SLC19A3: variants seen among roughly 807,000 people sequenced by gnomAD.
The protein encoded by SLC19A3 is thiamine transporter 2.
A neutral mutation model predicts 40.2 loss-of-function variants in SLC19A3; 31 were observed. The ratio of observed to expected loss-of-function variants is 0.77; its 90% CI spans 0.58 to 1.04. The LOEUF (loss-of-function observed/expected upper bound fraction) is 1.04. Ranked by LOEUF, SLC19A3 falls within the 50% of genes least tolerant of loss-of-function variation. The pLI is 0.00. For missense variants in SLC19A3, 592 were observed against 596.7 expected, an observed-to-expected ratio of 0.99 and a Z score of 0.08; for synonymous variants, 212 against 227.5, an observed-to-expected ratio of 0.93 and a Z score of 0.61.
At chr2:227,706,930 T>C (rs888029194) in intron 1 of SLC19A3, among the ~76,000 whole-genome samples, 1 of 152,200 alleles carries the variant, frequency 6.6e-6, no homozygotes, top group African/African-American at 2.4e-5. Flanking sequence ...CAACAGACCT[T>C]ACCTTGGTGG....
chr2:227,695,661 A>G (rs373238272), intron 4 of SLC19A3: 10 of 551,230 alleles, frequency 1.8e-5, no homozygotes, highest in East Asian at 1.3e-4. Flanking sequence ...CTTTTGGTCT[A>G]TAAACCTACA....
Position 227,702,808 on chromosome 2 carries a change from A to G in SLC19A3, c.-2-488T>C, listed in dbSNP as rs559236606. ...CAGGAAAATTCACTAATTCCTCCAC[A>G]TTTTAGCTCAAGCTTTGCCTTATTG... On this transcript the variant is annotated intron_variant, in intron 1 of 5. Transcript: ENST00000644224. The G allele has an allele frequency of 3.0e-5, 5 of 166,836 alleles. No homozygotes were observed. The South Asian group carries it at 4.8e-4, about 16-fold the overall frequency. The allele number at this position is 166,836 out of a possible 1,614,324, so 10.3% of individuals were successfully genotyped here.
chr2:227,699,122 A>G lies in SLC19A3; in HGVS notation c.593T>C (p.Phe198Ser), dbSNP rs766034963. 1.9e-6 allele frequency: 3 copies of G among 1,614,186 alleles called. No homozygotes were observed. Among genetic ancestry groups the G allele is most frequent in the East Asian group, 2.2e-5 (1 of 44,884 alleles). Residue 198 changes from phenylalanine to serine, a missense_variant, in exon 3 of 6, where the codon TTT (phenylalanine) becomes TCT (serine). Phe to Ser is a radical substitution (Grantham distance 155). Transcript: ENST00000644224. ...TTCTCTGCTGGGTTTTGCATGAAAA[A>G]ACATGCTTTTCTTGGGCATTGGTAG... ...LFLPMPKKSM[F>S]FHAKPSREIK...
At position 227,699,272 on chromosome 2, in the gene SLC19A3, A is replaced by G. The variant is rs1427504152; in HGVS notation, c.443T>C (p.Leu148Pro). Residue 148 changes from leucine (L) to proline (P), a missense_variant, in exon 3 of 6, where the codon CTG (leucine) becomes CCG (proline). Coordinates refer to ENST00000644224, the MANE Select transcript of SLC19A3 (RefSeq NM_025243.4). ...RVSGYCRSVT[L>P]AAYTAGSVLA... The stretch of plus-strand genomic sequence containing the variant: ...CACCGACCCTGCTGTGTAGGCGGCC[A>G]GCGTGACGCTCCTGCAGTAGCCGCT... 2 of 1,613,960 alleles carry G rather than the reference A, an allele frequency of 1.2e-6. No individual in the cohort carries two copies. Among genetic ancestry groups the G allele is most frequent in the East Asian group, 4.5e-5 (2 of 44,888 alleles).
intron 1 of SLC19A3, among the ~76,000 whole-genome samples, chr2:227,712,434 C>T (rs1321307570): frequency 1.3e-5 from 2 of 152,114 alleles, no homozygotes; most frequent in African/African-American, 4.8e-5. Flanking sequence ...TGGCCAAGAG[C>T]ACATGCAAAG....
intron 1 of SLC19A3, among the ~76,000 whole-genome samples, chr2:227,712,077 A>AAGG: frequency 6.9e-6 from 1 of 145,826 alleles, no homozygotes; most frequent in Non-Finnish European, 1.5e-5. Context: ...AAAAAAAAAA[A>AAGG]GCCACATCTG....
intron 1 of SLC19A3, among the ~76,000 whole-genome samples, chr2:227,712,609 A>G (rs1389943470): frequency 3.9e-5 from 6 of 152,224 alleles, no homozygotes; most frequent in African/African-American, 1.4e-4. Context: ...CCTTTGGAAA[A>G]TCATTTGGCA....
chr2:227,692,424 A>G (rs1212291600), intron 4 of SLC19A3, among the ~76,000 whole-genome samples: 1 of 152,274 alleles, frequency 6.6e-6, no homozygotes, highest in African/African-American at 2.4e-5. Flanking sequence ...AGTGTGATAA[A>G]TCACATCGAC....
chr2:227,688,454 A>G (rs1695103727), intron 4 of SLC19A3, 147 bp from the exon 5 acceptor site: 2 of 694,666 alleles, frequency 2.9e-6, no homozygotes, highest in South Asian at 3.5e-5. Context: ...ACTGTCTGGA[A>G]GAAAGTAAAG....
At chr2:227,705,705 C>G (rs1417274045) in intron 1 of SLC19A3, among the ~76,000 whole-genome samples, 1 of 151,920 alleles carries the variant, frequency 6.6e-6, no homozygotes, top group Non-Finnish European at 1.5e-5. Flanking sequence ...AACATGCCCT[C>G]GGGTCTGTCG....
rs187651830 is a variant in SLC19A3, at chr2:227,683,973, A to T, written c.*3424T>A. 0.073 allele frequency: 11,163 copies of T among 151,912 alleles called. 1,146 individuals are homozygous for T. The highest frequency in any genetic ancestry group is 0.24 in the African/African-American group (9,761 of 41,306). The allele number at this position is 151,912 out of a possible 1,614,324, so 9.4% of individuals were successfully genotyped here. ...GCCACCATGCCCAGCTAATTTTTGT[A>T]TTTTTTGTAGAGACAGGGTTTTGCC... On this transcript the variant is annotated 3_prime_UTR_variant, in exon 6 of 6. Transcript: ENST00000644224.
At chr2:227,694,369 TA>T (rs879400029) in intron 4 of SLC19A3, among the ~76,000 whole-genome samples, 2 of 151,888 alleles carry the variant, frequency 1.3e-5, no homozygotes, top group African/African-American at 2.4e-5. Flanking sequence ...TCTTCACATT[TA>T]AAAAAAAGCA....
chr2:227,691,733 T>C (rs1440479257), intron 4 of SLC19A3, among the ~76,000 whole-genome samples: 1 of 151,630 alleles, frequency 6.6e-6, no homozygotes, highest in Admixed American at 6.6e-5. Flanking sequence ...ATAATAAATA[T>C]CAGATCAGAA....
chr2:227,695,828 T>A, intron 4 of SLC19A3, 61 bp downstream of exon 4: 1 of 1,531,756 alleles, frequency 6.5e-7, no homozygotes, highest in East Asian at 2.2e-5. Context: ...TTAGAGAAAG[T>A]TTAGAAAGAC....
chr2:227,710,719 AG>A (rs1696108512), intron 1 of SLC19A3, among the ~76,000 whole-genome samples: 1 of 152,178 alleles, frequency 6.6e-6, no homozygotes, highest in African/African-American at 2.4e-5. Flanking sequence ...GTTATCAAAG[AG>A]GGTCATTATG....
chr2:227,715,951 C>CAAAAAA (rs34546970), intron 1 of SLC19A3, among the ~76,000 whole-genome samples: 3 of 87,142 alleles, frequency 3.4e-5, no homozygotes, highest in African/African-American at 1.4e-4. Flanking sequence ...GACTCCGTCT[C>CAAAAAA]AAAAAAAAAA....
chr2:227,696,909 T>C (rs1424936217), intron 3 of SLC19A3, among the ~76,000 whole-genome samples: 1 of 151,924 alleles, frequency 6.6e-6, no homozygotes, highest in Non-Finnish European at 1.5e-5. Flanking sequence ...CTACTAAAAA[T>C]ACAAAAATTA....
chr2:227,699,143 G>A lies in SLC19A3; in HGVS notation c.572C>T (p.Pro191Leu), dbSNP rs1695566341. The A allele has an allele frequency of 1.9e-6, 3 of 1,614,162 alleles. No homozygotes were observed. Among genetic ancestry groups the A allele is most frequent in the South Asian group, 1.1e-5 (1 of 91,074 alleles). ...SVAFLFSLFLPMPKKSMFFHA... is the reference protein window; with the variant it reads ...SVAFLFSLFLLMPKKSMFFHA... ...AAAAAACATGCTTTTCTTGGGCATT[G>A]GTAGGAAAAGTGAGAAAAGGAAAGC... Residue 191 changes from proline (P) to leucine (L), a missense_variant, in exon 3 of 6, where the codon CCA becomes CTA. Physicochemically the swap from Pro to Leu is moderately conservative, Grantham distance 98. Coordinates refer to ENST00000644224, the MANE Select transcript of SLC19A3 (RefSeq NM_025243.4).
chr2:227,687,203 C>T lies in SLC19A3; in HGVS notation c.*194G>A. On this transcript the variant is annotated 3_prime_UTR_variant, in exon 6 of 6. Transcript: ENST00000644224. ...GTTTAATTATGATGACGGGTCCTGTCAATTGCATCCAGTAAAATTGGTCAC... is the reference window on the plus strand; with the variant it reads ...GTTTAATTATGATGACGGGTCCTGTTAATTGCATCCAGTAAAATTGGTCAC... 1.8e-6 allele frequency: 1 copy of T among 552,666 alleles called. No homozygotes were observed. Among genetic ancestry groups the T allele is most frequent in the Non-Finnish European group, 3.1e-6 (1 of 318,736 alleles). 34.2% of individuals were successfully genotyped at this position (552,666 alleles called of 1,614,324 possible).
Sources: allele counts gnomAD v4.1 joint callset (sites outside exome capture counted in the v4.1 genomes callset), GRCh38; gene constraint gnomAD v4.1.1; transcripts MANE v1.5; gene names NCBI Gene and HGNC (gene_info 2026-07-23, HGNC 2026-07-21).